The following NKAIN2 variants were observed in gnomAD, a reference collection of about 807,000 sequenced individuals.
NKAIN2 encodes the protein sodium/potassium transporting ATPase interacting 2.
A neutral mutation model predicts 32.6 loss-of-function variants in NKAIN2; 14 were observed. That is an observed-to-expected ratio of 0.43 (90% CI 0.28 to 0.67). The LOEUF is 0.67. NKAIN2 is among the 30% of genes least tolerant of loss of function. NKAIN2 has a pLI of 0.17. For synonymous variants in NKAIN2, 80 were observed against 87.2 expected, an observed-to-expected ratio of 0.92 and a Z score of 0.46; for missense variants, 198 against 258.3, an observed-to-expected ratio of 0.77 and a Z score of 1.60.
At chr6:124,230,823 C>T (rs886340406) in intron 1 of NKAIN2, among the ~76,000 whole-genome samples, 4 of 152,186 alleles carry the variant, frequency 2.6e-5, no homozygotes, top group Non-Finnish European at 5.9e-5. Context: ...GCAGGGCTCT[C>T]ATGGAGAACC....
chr6:123,894,124 G>A (rs1167015856), intron 1 of NKAIN2, among the ~76,000 whole-genome samples: 2 of 107,582 alleles, frequency 1.9e-5, no homozygotes, highest in Non-Finnish European at 4.4e-5. Flanking sequence ...TTAAACCTCT[G>A]TTTGGCATTT....
intron 1 of NKAIN2, among the ~76,000 whole-genome samples, chr6:123,837,397 C>T (rs188720272): frequency 5.7e-4 from 86 of 152,058 alleles, no homozygotes; most frequent in Middle Eastern, 3.4e-3. Context: ...CAGTTGTTAG[C>T]AAAAATGGTA....
rs1773109313 is a variant in NKAIN2 at position 123,804,086 on chromosome 6, GC to G, written c.-110del. 4 of 925,036 alleles carry G rather than the reference GC, an allele frequency of 4.3e-6. No individual in the cohort carries two copies. The highest frequency in any genetic ancestry group is 2.4e-5 in the East Asian group (1 of 41,710). 57.3% of individuals were successfully genotyped at this position (925,036 alleles called of 1,614,324 possible). On this transcript the variant is annotated 5_prime_UTR_variant, in exon 1 of 7. The change creates a premature stop within an existing upstream ORF in the 5' untranslated region. Coordinates refer to ENST00000368417, the MANE Select transcript of NKAIN2 (RefSeq NM_001040214.3). ...ACGCTGGCAGCAGCAGCAGCCCGGA[GC>G]CCCCGAGCCCTCGGCAGGTTTGCGT...
At chr6:124,309,673 G>A (rs1163431548) in intron 2 of NKAIN2, among the ~76,000 whole-genome samples, 1 of 152,048 alleles carries the variant, frequency 6.6e-6, no homozygotes, top group African/African-American at 2.4e-5. Flanking sequence ...TTTTCTGGGT[G>A]TCTTTGTCAT....
intron 3 of NKAIN2, among the ~76,000 whole-genome samples, chr6:124,643,867 C>G (rs992962874): frequency 1.3e-5 from 2 of 152,200 alleles, no homozygotes; most frequent in African/African-American, 4.8e-5. Context: ...CTTCAAATCT[C>G]TGTAATCTAG....
chr6:123,987,308 G>T (rs1233280911), intron 1 of NKAIN2, among the ~76,000 whole-genome samples: 3 of 152,076 alleles, frequency 2.0e-5, no homozygotes, highest in Non-Finnish European at 4.4e-5. Flanking sequence ...GATAGAAAAA[G>T]TATGTATTGT....
chr6:124,437,872 ATTTTTTT>A (rs374033234), intron 3 of NKAIN2: 1 of 342,758 alleles, frequency 2.9e-6, no homozygotes. Flanking sequence ...TGATCTATTG[ATTTTTTT>A]TTTTTTTTTT....
At chr6:124,159,276 A>T (rs991856332) in intron 1 of NKAIN2, among the ~76,000 whole-genome samples, 3 of 152,200 alleles carry the variant, frequency 2.0e-5, no homozygotes, top group African/African-American at 7.2e-5. Flanking sequence ...TGATGGATTA[A>T]CATCTTTATG....
intron 1 of NKAIN2, among the ~76,000 whole-genome samples, chr6:123,840,835 T>C (rs1464816562): frequency 6.6e-6 from 1 of 152,202 alleles, no homozygotes; most frequent in Non-Finnish European, 1.5e-5. Flanking sequence ...TTTTATAGTT[T>C]ATATACTATT....
rs558656784 is a variant in NKAIN2, at chr6:124,176,034, C to G, written c.55-106971C>G. 3.3e-5 allele frequency among the ~76,000 whole-genome samples: 5 copies of G among 152,184 alleles called. No individual in the cohort carries two copies. In the East Asian group the frequency reaches 9.7e-4, roughly 29 times the overall value. On this transcript the variant is annotated intron_variant, in intron 1 of 6. Transcript: ENST00000368417. Reference sequence around the variant, plus strand: ...CCTCAGAGATATTGTAGTTTAGGCTCCAGACTATCACAATAAAGGGAATAT... The same window carrying G: ...CCTCAGAGATATTGTAGTTTAGGCTGCAGACTATCACAATAAAGGGAATAT...
intron 3 of NKAIN2, among the ~76,000 whole-genome samples, chr6:124,633,647 C>A (rs2114319817): frequency 6.6e-6 from 1 of 152,312 alleles, no homozygotes. Context: ...ATTAGCATCT[C>A]TGGAAACAAA....
At chr6:124,121,187 G>A (rs1039440652) in intron 1 of NKAIN2, among the ~76,000 whole-genome samples, 4 of 152,040 alleles carry the variant, frequency 2.6e-5, no homozygotes, top group East Asian at 3.9e-4. Context: ...GCCATCTTGT[G>A]TATAATGTTG....
At chr6:123,914,471 T>G (rs1478348709) in intron 1 of NKAIN2, among the ~76,000 whole-genome samples, 1 of 152,150 alleles carries the variant, frequency 6.6e-6, no homozygotes, top group Non-Finnish European at 1.5e-5. Flanking sequence ...CCATTATGGC[T>G]TTATTTAACC....
chr6:123,967,813 G>T (rs562240369), intron 1 of NKAIN2, among the ~76,000 whole-genome samples: 1 of 151,998 alleles, frequency 6.6e-6, no homozygotes, highest in South Asian at 2.1e-4. Flanking sequence ...CTCCTTCTTT[G>T]TTCCTCCACT....
intron 3 of NKAIN2, among the ~76,000 whole-genome samples, chr6:124,422,645 AAACAAAAC>A (rs1433416545): frequency 6.6e-6 from 1 of 152,276 alleles, no homozygotes; most frequent in African/African-American, 2.4e-5. Context: ...CTGAAAAGAA[AAACAAAAC>A]AACAAAACAA....
At chr6:124,316,620 T>C (rs1183538637) in intron 2 of NKAIN2, among the ~76,000 whole-genome samples, 2 of 152,140 alleles carry the variant, frequency 1.3e-5, no homozygotes, top group East Asian at 1.9e-4. Context: ...ATGAGATTTG[T>C]AAAAGTCATA....
At chr6:123,972,839 G>A (rs954718354) in intron 1 of NKAIN2, among the ~76,000 whole-genome samples, 4 of 152,220 alleles carry the variant, frequency 2.6e-5, no homozygotes, top group Middle Eastern at 3.4e-3. Flanking sequence ...GCCAATGGTA[G>A]ATAAATACAA....
At chr6:124,580,740 G>A (rs533297427) in intron 3 of NKAIN2, among the ~76,000 whole-genome samples, 7 of 152,150 alleles carry the variant, frequency 4.6e-5, no homozygotes, top group African/African-American at 7.2e-5. Context: ...AAAACAAGAC[G>A]CAGTGGTTTG....
chr6:124,052,924 A>G (rs1182386592), intron 1 of NKAIN2, among the ~76,000 whole-genome samples: 1 of 152,034 alleles, frequency 6.6e-6, no homozygotes, highest in Admixed American at 6.6e-5. Flanking sequence ...GAAGACTCAG[A>G]AATTCCAATG....
Sources: allele counts gnomAD v4.1 joint callset (sites outside exome capture counted in the v4.1 genomes callset), GRCh38; gene constraint gnomAD v4.1.1; transcripts MANE v1.5; gene names NCBI Gene and HGNC (gene_info 2026-07-23, HGNC 2026-07-21).